The following SLIT1 variants were observed in gnomAD, a reference collection of about 807,000 sequenced individuals.
SLIT1 encodes slit guidance ligand 1.
In SLIT1, 66 loss-of-function variants were observed where a neutral mutation model predicts 186.1. The observed-to-expected ratio is 0.35, with a 90% CI of 0.29 to 0.44. The LOEUF is 0.44. Ranked by LOEUF, SLIT1 falls within the 20% of genes least tolerant of loss-of-function variation. The pLI is 1.00. For synonymous variants in SLIT1, 761 were observed against 833.8 expected, an observed-to-expected ratio of 0.91 and a Z score of 1.50; for missense variants, 1,638 against 2,037.4, an observed-to-expected ratio of 0.80 and a Z score of 3.77.
chr10:97,126,967 C>A (rs1299563745), intron 4 of SLIT1, among the ~76,000 whole-genome samples: 1 of 152,216 alleles, frequency 6.6e-6, no homozygotes, highest in Non-Finnish European at 1.5e-5. Flanking sequence ...CGGCCAAACA[C>A]TCCTCCCATC....
chr10:97,050,967 GA>G (rs1848780862), intron 13 of SLIT1, among the ~76,000 whole-genome samples: 1 of 151,544 alleles, frequency 6.6e-6, no homozygotes, highest in Non-Finnish European at 1.5e-5. Context: ...TGGAAAGAGA[GA>G]ACACTCAAGA....
intron 4 of SLIT1, among the ~76,000 whole-genome samples, chr10:97,123,544 T>C (rs1339632792): frequency 6.6e-6 from 1 of 151,992 alleles, no homozygotes; most frequent in Non-Finnish European, 1.5e-5. Context: ...CCCAGCACTT[T>C]GGGAGGCTGA....
At chr10:97,029,136 G>A (rs1848570053) in intron 25 of SLIT1, among the ~76,000 whole-genome samples, 1 of 152,200 alleles carries the variant, frequency 6.6e-6, no homozygotes, top group African/African-American at 2.4e-5. Context: ...TATAGTATTT[G>A]ACTCAGGCAG....
intron 2 of SLIT1, 27 bp downstream of exon 2, chr10:97,164,792 G>C (rs758733858): frequency 9.5e-6 from 15 of 1,575,880 alleles, no homozygotes; most frequent in South Asian, 1.1e-5. Flanking sequence ...GCCAGGGGTG[G>C]GGTGGGAGGG....
intron 13 of SLIT1, among the ~76,000 whole-genome samples, chr10:97,053,495 G>C (rs17112373): frequency 6.6e-6 from 1 of 152,046 alleles, no homozygotes; most frequent in Non-Finnish European, 1.5e-5. Context: ...CAGGGGTCAC[G>C]AGCTGTACCT....
intron 4 of SLIT1, among the ~76,000 whole-genome samples, chr10:97,133,615 A>G (rs976117413): frequency 6.6e-6 from 1 of 152,244 alleles, no homozygotes; most frequent in Non-Finnish European, 1.5e-5. Context: ...ATTACTGAAC[A>G]GTACACTGAA....
chr10:97,024,565 T>C (rs1170638459), intron 25 of SLIT1, among the ~76,000 whole-genome samples: 5 of 152,214 alleles, frequency 3.3e-5, no homozygotes, highest in Non-Finnish European at 7.3e-5. Context: ...GGGTGATTTT[T>C]TTCTGAAGTT....
intron 4 of SLIT1, among the ~76,000 whole-genome samples, chr10:97,141,746 C>CGTATT: frequency 7.5e-6 from 1 of 132,766 alleles, no homozygotes; most frequent in South Asian, 2.4e-4. Context: ...TGTATCGTAT[C>CGTATT]GTATCGTATC....
chr10:97,112,958 C>T (rs1270479253), intron 4 of SLIT1, among the ~76,000 whole-genome samples: 2 of 152,064 alleles, frequency 1.3e-5, no homozygotes, highest in Non-Finnish European at 2.9e-5. Context: ...CCTTTCAAAG[C>T]GCTGGGATTA....
intron 4 of SLIT1, among the ~76,000 whole-genome samples, chr10:97,116,614 G>A (rs1300472349): frequency 6.6e-6 from 1 of 152,222 alleles, no homozygotes; most frequent in East Asian, 1.9e-4. Flanking sequence ...GCTGGGGGCT[G>A]GGCATCCTGC....
intron 10 of SLIT1, 31 bp from the exon 11 acceptor site, chr10:97,059,562 C>A: frequency 1.9e-6 from 3 of 1,569,184 alleles, no homozygotes; most frequent in Non-Finnish European, 2.6e-6. Flanking sequence ...GAGGGGGCAT[C>A]TGAATCCCTC....
intron 4 of SLIT1, among the ~76,000 whole-genome samples, chr10:97,088,182 G>C (rs887540505): frequency 1.8e-4 from 28 of 152,180 alleles, no homozygotes; most frequent in African/African-American, 6.5e-4. Context: ...GCTTCCAGGG[G>C]ATTCCACAGG....
chr10:97,055,953 TATC>T (rs919463512), intron 13 of SLIT1, among the ~76,000 whole-genome samples: 1 of 152,164 alleles, frequency 6.6e-6, no homozygotes, highest in Non-Finnish European at 1.5e-5. Context: ...CGCGATATAT[TATC>T]ATCATCATCA....
chr10:97,048,879 G>T, intron 14 of SLIT1, 76 bp downstream of exon 14: 1 of 1,489,884 alleles, frequency 6.7e-7, no homozygotes, highest in Non-Finnish European at 9.2e-7. Flanking sequence ...AGGTATGCAG[G>T]TGGACAAGTA....
At position 97,050,231 on chromosome 10, in the gene SLIT1, C is replaced by T. The variant is rs143654504; in HGVS notation, c.1302-1113G>A. Among the ~76,000 whole-genome samples the T allele has an allele frequency of 6.0e-3, 919 of 152,318 alleles. 6 individuals carry two copies. Among genetic ancestry groups the T allele is most frequent in the Middle Eastern group, 0.014 (4 of 294 alleles). On this transcript the variant is annotated intron_variant, in intron 13 of 36. Transcript: ENST00000266058. ...TTGCCCTGCCATGGCCACTTTTCCT[C>T]CATCTAAGTGCCATCAGTTCAGGCC...
chr10:97,078,657 CCT>C (rs3039931), intron 4 of SLIT1, among the ~76,000 whole-genome samples: 53,451 of 151,988 alleles, frequency 0.35, 9,757 homozygotes, highest in African/African-American at 0.39. Context: ...CTAGCTTCGT[CCT>C]CTTCAACTCT....
At chr10:97,120,504 G>C (rs1005006163) in intron 4 of SLIT1, among the ~76,000 whole-genome samples, 1 of 152,204 alleles carries the variant, frequency 6.6e-6, no homozygotes, top group Non-Finnish European at 1.5e-5. Flanking sequence ...GACTTGTGTC[G>C]GGGTACTGGA....
intron 29 of SLIT1, 29 bp downstream of exon 29, chr10:97,013,990 C>T (rs1278454940): frequency 6.2e-7 from 1 of 1,609,708 alleles, no homozygotes; most frequent in Non-Finnish European, 8.5e-7. Flanking sequence ...CCCCACCTCC[C>T]CCAGACACTG....
intron 10 of SLIT1, 58 bp from the exon 11 acceptor site, chr10:97,059,589 T>C: frequency 7.6e-7 from 1 of 1,317,982 alleles, no homozygotes; most frequent in Non-Finnish European, 1.1e-6. Context: ...CACTAAGCCC[T>C]GCCCAGTCCC....
Sources: gnomAD v4.1 joint callset for allele counts (sites outside exome capture counted in the v4.1 genomes callset) on GRCh38, gnomAD v4.1.1 for gene constraint, MANE v1.5 for transcripts, NCBI Gene and HGNC (gene_info 2026-07-23, HGNC 2026-07-21) for gene names.